Variants in PLEKHA3 observed in about 807,000 individuals in gnomAD.
The protein encoded by PLEKHA3 is pleckstrin homology domain containing A3, also known as pleckstrin homology domain-containing family A member 3.
In PLEKHA3, 19 loss-of-function variants were observed where a neutral mutation model predicts 39.2. That is an observed-to-expected ratio of 0.48 (90% CI 0.34 to 0.71). The LOEUF is 0.71. Ranked by LOEUF, PLEKHA3 falls within the 30% of genes least tolerant of loss-of-function variation. PLEKHA3 has a pLI of 0.01. For missense variants in PLEKHA3, 253 were observed against 359.5 expected, an observed-to-expected ratio of 0.70 and a Z score of 2.40; for synonymous variants, 97 against 118.6, an observed-to-expected ratio of 0.82 and a Z score of 1.18.
chr2:178,509,557 A>T lies in PLEKHA3; in HGVS notation c.*5670A>T, dbSNP rs1316447886. ...TAGTGGAGTGATCTCAGCTCACTGC[A>T]GTCTCGACCTCCCAGGCTCAAATGA... On this transcript the variant is annotated 3_prime_UTR_variant, in exon 8 of 8. Transcript: ENST00000234453. 6.6e-6 allele frequency: 1 copy of T among 150,548 alleles called. No homozygotes were observed. Among genetic ancestry groups the T allele is most frequent in the African/African-American group, 2.5e-5 (1 of 40,762 alleles). 9.3% of individuals were successfully genotyped at this position (150,548 alleles called of 1,614,324 possible). A position where few individuals can be genotyped will look rare whatever the true frequency, so the allele number is the denominator to read the frequency against.
rs1421637802 is a variant in PLEKHA3 at position 178,506,700 on chromosome 2, C to G, written c.*2813C>G. 6.6e-6 allele frequency: 1 copy of G among 152,148 alleles called. No individual in the cohort carries two copies. 9.4% of individuals were successfully genotyped at this position (152,148 alleles called of 1,614,324 possible). On this transcript the variant is annotated 3_prime_UTR_variant, in exon 8 of 8. Coordinates refer to ENST00000234453, the MANE Select transcript of PLEKHA3 (RefSeq NM_019091.4). ...ACCACTAATTTGGACTCTGCTAGTT[C>G]TTTTATTTAATAAGGCACCTCTAGG...
chr2:178,503,686 T>C (rs1422796390), intron 7 of PLEKHA3, 74 bp from the exon 8 acceptor site: 1 of 1,476,386 alleles, frequency 6.8e-7, no homozygotes, highest in East Asian at 2.3e-5. Context: ...AACAGGAAAT[T>C]TAAAATGTTC....
rs1234273325 is a variant in PLEKHA3, at chr2:178,515,835, C to G, written c.*11948C>G. ...AAAATTTTCACTTTTTTTCAGTTAA[C>G]TAGTTGAATAGTATTTATCATTCAC... On this transcript the variant is annotated 3_prime_UTR_variant, in exon 8 of 8. Transcript: ENST00000234453. 1 of 151,824 alleles carries G rather than the reference C, an allele frequency of 6.6e-6. No homozygotes were observed. The highest frequency in any genetic ancestry group is 1.5e-5 in the Non-Finnish European group (1 of 67,932). The allele number at this position is 151,824 out of a possible 1,614,324, so 9.4% of individuals were successfully genotyped here.
Position 178,499,268 on chromosome 2 carries a change from T to C in PLEKHA3, c.659+14T>C. The stretch of plus-strand genomic sequence containing the variant: ...CAGTTCAGAGAGGTAAAAGAACCTT[T>C]TCTTCTGACTAAGTTCTCTCAAATT... On this transcript the variant is annotated intron_variant, in intron 6 of 7. Transcript: ENST00000234453. 1 of 1,611,082 alleles carries C rather than the reference T, an allele frequency of 6.2e-7. No individual in the cohort carries two copies.
In PLEKHA3 at chr2:178,508,746, C is replaced by A. The variant is rs1293287254; in HGVS notation, c.*4859C>A. The stretch of plus-strand genomic sequence containing the variant: ...TTTGTATGATGACTTTTACTTAATC[C>A]CTCTATCTTCATCCTCTCTCATGCC... On this transcript the variant is annotated 3_prime_UTR_variant, in exon 8 of 8. Transcript: ENST00000234453. 2 of 153,640 alleles carry A rather than the reference C, an allele frequency of 1.3e-5. No homozygotes were observed. The highest frequency in any genetic ancestry group is 1.9e-4 in the East Asian group (1 of 5,198). 9.5% of individuals were successfully genotyped at this position (153,640 alleles called of 1,614,324 possible). A position where few individuals can be genotyped will look rare whatever the true frequency, so the allele number is the denominator to read the frequency against.
At chr2:178,491,086 C>G (rs1237842039) in intron 3 of PLEKHA3, among the ~76,000 whole-genome samples, 1 of 148,122 alleles carries the variant, frequency 6.8e-6, no homozygotes, top group Non-Finnish European at 1.5e-5. Flanking sequence ...TCTCGGCTTA[C>G]TGCAACCTCT....
At chr2:178,503,528 A>G (rs1422704404) in intron 7 of PLEKHA3, among the ~76,000 whole-genome samples, 2 of 151,902 alleles carry the variant, frequency 1.3e-5, no homozygotes, top group East Asian at 1.9e-4. Context: ...AAAAATCTCT[A>G]CTTCAGGCAA....
intron 2 of PLEKHA3, 109 bp from the exon 3 acceptor site, chr2:178,490,550 A>G (rs560165088): frequency 8.9e-7 from 1 of 1,127,062 alleles, no homozygotes; most frequent in South Asian, 1.6e-5. Context: ...ATGATAGTTC[A>G]ATGTTTTTGG....
intron 2 of PLEKHA3, chr2:178,488,818 C>T: frequency 3.6e-6 from 1 of 275,210 alleles, no homozygotes; most frequent in African/African-American, 2.3e-5. Context: ...GAATTATATT[C>T]TTGATGATAT....
In PLEKHA3 at chr2:178,494,855, G is replaced by T. The variant is rs181586588; in HGVS notation, c.451-641G>T. Among the ~76,000 whole-genome samples, 621 of 151,150 alleles carry T rather than the reference G, an allele frequency of 4.1e-3. 2 individuals carry two copies. Among genetic ancestry groups the T allele is most frequent in the Non-Finnish European group, 6.1e-3 (417 of 67,864 alleles). On this transcript the variant is annotated intron_variant, in intron 4 of 7. Coordinates refer to ENST00000234453, the MANE Select transcript of PLEKHA3 (RefSeq NM_019091.4). ...AGTCCTTCTCAACTTGCTGTGCTTG[G>T]TTTTGAATCGGGAAACAAAAATCCC... is the stretch of plus-strand genomic sequence containing the variant.
intron 2 of PLEKHA3, among the ~76,000 whole-genome samples, chr2:178,489,872 AT>A (rs1311606826): frequency 6.6e-6 from 1 of 152,132 alleles, no homozygotes; most frequent in African/African-American, 2.4e-5. Context: ...GTGTATTCTG[AT>A]TGTTTTTGGT....
At chr2:178,496,408 AG>A (rs1553604283) in intron 5 of PLEKHA3, among the ~76,000 whole-genome samples, 1 of 152,230 alleles carries the variant, frequency 6.6e-6, no homozygotes, top group Non-Finnish European at 1.5e-5. Context: ...TATAGGAGTA[AG>A]AATGCCACCT....
intron 6 of PLEKHA3, among the ~76,000 whole-genome samples, chr2:178,500,617 A>G (rs1685516038): frequency 6.6e-6 from 1 of 151,862 alleles, no homozygotes; most frequent in South Asian, 2.1e-4. Context: ...CCTTTTTGCC[A>G]TCTTTATCTT....
chr2:178,490,666 A>G lies in PLEKHA3; in HGVS notation c.165A>G (p.Ser55=). Residue 55 remains serine (S), a synonymous_variant, in exon 3 of 8, where the codon TCA becomes TCG. Transcript: ENST00000234453. ...CTTTGTTTATCATCATAGTTCATTC[A>G]GCAGACAACACAAGAATGGAATTAA... ...KMAVCEIKVH[S]ADNTRMELII... The G allele has an allele frequency of 1.2e-6, 2 of 1,613,036 alleles. No individual in the cohort carries two copies. Among genetic ancestry groups the G allele is most frequent in the Non-Finnish European group, 1.7e-6 (2 of 1,179,392 alleles).
Position 178,500,462 on chromosome 2 carries a change from T to G in PLEKHA3, c.660-599T>G, listed in dbSNP as rs533584790. Among the ~76,000 whole-genome samples the G allele has an allele frequency of 3.3e-5, 5 of 152,256 alleles. No individual in the cohort carries two copies. The East Asian group carries it at 9.6e-4, about 29-fold the overall frequency. On this transcript the variant is annotated intron_variant, in intron 6 of 7. Coordinates refer to ENST00000234453, the MANE Select transcript of PLEKHA3 (RefSeq NM_019091.4). ...TAAAATAATAATTTTAAAATCTTATTTGTTTCCTGATGAATCAAGGTTGTC... is the reference window on the plus strand; with the variant it reads ...TAAAATAATAATTTTAAAATCTTATGTGTTTCCTGATGAATCAAGGTTGTC...
intron 1 of PLEKHA3, among the ~76,000 whole-genome samples, chr2:178,482,546 C>T (rs1183933634): frequency 1.5e-5 from 2 of 129,738 alleles, no homozygotes; most frequent in Non-Finnish European, 3.1e-5. Flanking sequence ...GAGCGAGATC[C>T]TGTCTCAAAA....
rs71023445 is a variant in PLEKHA3, at chr2:178,489,451, C to CTTTTTT, written c.158-1189_158-1184dup. 3.1e-3 allele frequency among the ~76,000 whole-genome samples: 255 copies of CTTTTTT among 82,324 alleles called. 4 individuals carry two copies. Among genetic ancestry groups the CTTTTTT allele is most frequent in the East Asian group, 9.1e-3 (22 of 2,428 alleles). The allele number at this position is 82,324 out of a possible 152,430, so 54.0% of individuals were successfully genotyped here. A position where few individuals can be genotyped will look rare whatever the true frequency, so the allele number is the denominator to read the frequency against. On this transcript the variant is annotated intron_variant, in intron 2 of 7. Transcript: ENST00000234453. ...GAATTTGTTTTCTTTTCTTTTCCTT[C>CTTTTTT]TTTTTTTTTTTTTTTTTTTTTTTTG... is the stretch of plus-strand genomic sequence containing the variant.
chr2:178,505,173 A>C lies in PLEKHA3; in HGVS notation c.*1286A>C, dbSNP rs1276742336. Reference sequence around the variant, plus strand: ...GTTTGTATATTTAGGCCTGCTGGTGAAGACACAAATGAAGCATAATTTTTG... The same window carrying C: ...GTTTGTATATTTAGGCCTGCTGGTGCAGACACAAATGAAGCATAATTTTTG... On this transcript the variant is annotated 3_prime_UTR_variant, in exon 8 of 8. Coordinates refer to ENST00000234453, the MANE Select transcript of PLEKHA3 (RefSeq NM_019091.4). The C allele has an allele frequency of 2.0e-5, 3 of 152,364 alleles. No individual in the cohort carries two copies. Among genetic ancestry groups the C allele is most frequent in the Non-Finnish European group, 2.9e-5 (2 of 67,870 alleles). The allele number at this position is 152,364 out of a possible 1,614,324, so 9.4% of individuals were successfully genotyped here.
chr2:178,485,054 G>A (rs1436716498), intron 1 of PLEKHA3, among the ~76,000 whole-genome samples: 1 of 152,240 alleles, frequency 6.6e-6, no homozygotes, highest in East Asian at 1.9e-4. Flanking sequence ...CACTCATTGT[G>A]TTTAAGGGAG....
Sources: gnomAD v4.1 joint callset for allele counts (sites outside exome capture counted in the v4.1 genomes callset) on GRCh38, gnomAD v4.1.1 for gene constraint, MANE v1.5 for transcripts, NCBI Gene and HGNC (gene_info 2026-07-23, HGNC 2026-07-21) for gene names.